Variants in KIF1B observed in about 807,000 individuals in gnomAD.
KIF1B encodes kinesin family member 1B, also known as kinesin-like protein KIF1B.
In KIF1B, 76 loss-of-function variants were observed where a neutral mutation model predicts 241.9. That is an observed-to-expected ratio of 0.31 (90% CI 0.26 to 0.38). KIF1B has a LOEUF of 0.38. Among genes scored for constraint, KIF1B ranks in the 10% least tolerant of loss-of-function variants. The pLI is 1.00. For synonymous variants in KIF1B, 750 were observed against 796.7 expected, an observed-to-expected ratio of 0.94 and a Z score of 0.99; for missense variants, 1,622 against 2,271.4, an observed-to-expected ratio of 0.71 and a Z score of 5.81.
At chr1:10,339,408 G>A (rs1652305425) in intron 31 of KIF1B, among the ~76,000 whole-genome samples, 1 of 152,198 alleles carries the variant, frequency 6.6e-6, no homozygotes, top group African/African-American at 2.4e-5. Flanking sequence ...AACTGTGGAA[G>A]CTTGAGTCTG....
At chr1:10,353,136 C>T (rs1652858679) in intron 38 of KIF1B, among the ~76,000 whole-genome samples, 2 of 152,094 alleles carry the variant, frequency 1.3e-5, no homozygotes, top group Admixed American at 1.3e-4. Context: ...TTCTCTCACT[C>T]CCCAAGTATC....
At chr1:10,297,103 T>C (rs1171542453) in intron 21 of KIF1B, 26 bp downstream of exon 21, 1 of 1,613,694 alleles carries the variant, frequency 6.2e-7, no homozygotes, top group African/African-American at 1.3e-5. Context: ...GCAGCCCATA[T>C]GACTGTTTCT....
chr1:10,285,879 G>T (rs148301886), intron 15 of KIF1B, among the ~76,000 whole-genome samples: 1 of 152,258 alleles, frequency 6.6e-6, no homozygotes, highest in East Asian at 1.9e-4. Context: ...CAGCAATAGA[G>T]GAGGTTAGTT....
At chr1:10,211,977 T>C (rs1047937300) in intron 1 of KIF1B, among the ~76,000 whole-genome samples, 15 of 152,188 alleles carry the variant, frequency 9.9e-5, no homozygotes, top group African/African-American at 3.6e-4. Flanking sequence ...CAGAGTATTC[T>C]GATAGTGGGC....
At chr1:10,276,859 T>C (rs1407434265) in intron 12 of KIF1B, among the ~76,000 whole-genome samples, 1 of 152,158 alleles carries the variant, frequency 6.6e-6, no homozygotes. Context: ...GGTGGGCGGA[T>C]CACTTGAGGT....
At chr1:10,253,691 G>C (rs1244956560) in intron 2 of KIF1B, among the ~76,000 whole-genome samples, 1 of 152,164 alleles carries the variant, frequency 6.6e-6, no homozygotes, top group Non-Finnish European at 1.5e-5. Context: ...CTCAGAGTAA[G>C]TGTTCTGTGA....
chr1:10,222,842 A>G (rs1646862502), intron 1 of KIF1B, among the ~76,000 whole-genome samples: 1 of 152,210 alleles, frequency 6.6e-6, no homozygotes, highest in African/African-American at 2.4e-5. Context: ...CAGGCTGTGT[A>G]AGTGATTTAG....
intron 40 of KIF1B, among the ~76,000 whole-genome samples, chr1:10,362,140 T>C (rs1638440256): frequency 6.6e-6 from 1 of 152,208 alleles, no homozygotes; most frequent in African/African-American, 2.4e-5. Context: ...TTTCTTCTTT[T>C]TAAGATTTGT....
At chr1:10,270,124 A>G (rs1648708964) in intron 7 of KIF1B, among the ~76,000 whole-genome samples, 8 of 152,138 alleles carry the variant, frequency 5.3e-5, no homozygotes, top group Admixed American at 5.2e-4. Flanking sequence ...TTAAAGCGTA[A>G]AATTTGGTCA....
chr1:10,305,650 A>G (rs765666621), intron 22 of KIF1B: 31 of 1,056,720 alleles, frequency 2.9e-5, no homozygotes, highest in Non-Finnish European at 3.3e-5. Flanking sequence ...ATAATAAACT[A>G]TTCTTTGGTT....
chr1:10,334,848 C>T (rs1002638976), intron 28 of KIF1B, among the ~76,000 whole-genome samples: 6 of 152,178 alleles, frequency 3.9e-5, no homozygotes, highest in Non-Finnish European at 8.8e-5. Flanking sequence ...TTAGTCCAGA[C>T]TACTGCTACT....
At chr1:10,366,550 C>G (rs1281366768) in intron 43 of KIF1B, among the ~76,000 whole-genome samples, 2 of 152,166 alleles carry the variant, frequency 1.3e-5, no homozygotes, top group African/African-American at 2.4e-5. Context: ...CCTGCATGAT[C>G]AGTCTTGGGG....
chr1:10,304,698 A>G (rs1274048224), intron 22 of KIF1B: 3 of 1,606,442 alleles, frequency 1.9e-6, no homozygotes, highest in South Asian at 2.2e-5. Flanking sequence ...AGACAGTGTT[A>G]GCTCATGATT....
In KIF1B at chr1:10,355,107, G is replaced by T. The variant is rs151023308; in HGVS notation, c.4055+2371G>T. Among the ~76,000 whole-genome samples, 171 of 152,182 alleles carry T rather than the reference G, an allele frequency of 1.1e-3. 1 individual carries two copies. Among genetic ancestry groups the T allele is most frequent in the Non-Finnish European group, 1.9e-3 (132 of 67,996 alleles). The stretch of plus-strand genomic sequence containing the variant: ...TCAATACTAAGTCACCACTGAAAGG[G>T]GTACTGATGGTGGTGGTCTCCACTT... On this transcript the variant is annotated intron_variant, in intron 38 of 48. Transcript: ENST00000676179.
intron 21 of KIF1B, 26 bp from the exon 22 acceptor site, chr1:10,297,148 A>ATT (rs58344165): frequency 0.019 from 29,618 of 1,520,618 alleles, 105 homozygotes; most frequent in East Asian, 0.051. Flanking sequence ...GCATTCTTGA[A>ATT]TTTTTTTTTT....
rs544268929 is a variant in KIF1B at position 10,368,243 on chromosome 1, G to A, written c.4753-224G>A. On this transcript the variant is annotated intron_variant, in intron 43 of 48. Transcript: ENST00000676179. ...ATCCAGGGCTTCATTTAGTCATTGA[G>A]GTTTTTGTTTGTTTGTTTTTAAATT... is the stretch of plus-strand genomic sequence containing the variant. 8.5e-5 allele frequency among the ~76,000 whole-genome samples: 13 copies of A among 152,200 alleles called. No individual in the cohort carries two copies. In the East Asian group the frequency reaches 2.3e-3, roughly 27 times the overall value.
chr1:10,327,633 C>G (rs906551933), intron 27 of KIF1B, among the ~76,000 whole-genome samples: 1 of 152,130 alleles, frequency 6.6e-6, no homozygotes, highest in Non-Finnish European at 1.5e-5. Flanking sequence ...ATGCAGAACT[C>G]TCTATGCACA....
Position 10,363,287 on chromosome 1 carries a change from C to T in KIF1B, c.4309C>T (p.Arg1437Ter), listed in dbSNP as rs1638473963. Reference protein sequence around the residue: ...SGYSKSPDSNRVTGIYELSLC... With the variant: ...SGYSKSPDSN The stretch of plus-strand genomic sequence containing the variant: ...TGTTTTATTTTCTTCAAATAGGAAT[C>T]GAGTCACTGGCATTTACGAACTCAG... Residue 1437 changes from arginine (R) to a stop codon, truncating the protein, a stop_gained, in exon 41 of 49, where the codon CGA becomes TGA. Transcript: ENST00000676179. LOFTEE classifies it high-confidence loss of function. 2 of 1,611,694 alleles carry T rather than the reference C, an allele frequency of 1.2e-6. No homozygotes were observed. Among genetic ancestry groups the T allele is most frequent in the Admixed American group, 1.7e-5 (1 of 59,992 alleles).
In KIF1B at chr1:10,303,969, G is replaced by A. The variant is rs1164715927; in HGVS notation, c.2115+6723G>A. Reference sequence around the variant, plus strand: ...GCTGGATGAGGCAAGAGCAAATTCGGTTTAAGAACTTGCAACAGCAGGAGA... The same window carrying A: ...GCTGGATGAGGCAAGAGCAAATTCGATTTAAGAACTTGCAACAGCAGGAGA... On this transcript the variant is annotated intron_variant, in intron 22 of 48. Coordinates refer to ENST00000676179, the MANE Select transcript of KIF1B (RefSeq NM_001365951.3). This position sits in a 1 kb window ranked among gnomAD's most constrained non-coding sequence, Gnocchi z 5.2. The A allele has an allele frequency of 6.2e-7, 1 of 1,611,814 alleles. No homozygotes were observed. The highest frequency in any genetic ancestry group is 8.5e-7 in the Non-Finnish European group (1 of 1,178,744).
Sources: allele counts gnomAD v4.1 joint callset (sites outside exome capture counted in the v4.1 genomes callset), GRCh38; gene constraint gnomAD v4.1.1; non-coding constraint Gnocchi (gnomAD v3.1); transcripts MANE v1.5; gene names NCBI Gene and HGNC (gene_info 2026-07-23, HGNC 2026-07-21).